Variants in PIGN observed in about 807,000 individuals in gnomAD.
PIGN encodes GPI ethanolamine phosphate transferase 1.
A neutral mutation model predicts 125.4 loss-of-function variants in PIGN; 117 were observed. The ratio of observed to expected loss-of-function variants is 0.93; its 90% CI spans 0.80 to 1.09. The LOEUF (loss-of-function observed/expected upper bound fraction) is 1.09. Ranked by LOEUF, PIGN falls within the 50% of genes least tolerant of loss-of-function variation. PIGN has a pLI of 0.00. For missense variants in PIGN, 1,075 were observed against 1,094.9 expected (o/e 0.98, Z 0.26); for synonymous variants, 392 against 377.8 (o/e 1.04, Z -0.44).
At chr18:62,178,611 AAAG>A (rs1261971442) in intron 1 of PIGN, among the ~76,000 whole-genome samples, 15 of 151,094 alleles carry the variant, frequency 9.9e-5, no homozygotes, top group South Asian at 6.3e-4. Context: ...AAAAAAAAAA[AAAG>A]AAGAAGAGGA....
At chr18:62,169,800 C>T (rs1267479654) in intron 1 of PIGN, among the ~76,000 whole-genome samples, 2 of 151,664 alleles carry the variant, frequency 1.3e-5, no homozygotes, top group African/African-American at 4.8e-5. Context: ...TTAAATTTTT[C>T]GTAGAGATGG....
chr18:62,186,648 G>A (rs1259941127), intron 1 of PIGN, among the ~76,000 whole-genome samples, 196 bp downstream of exon 1: 1 of 152,212 alleles, frequency 6.6e-6, no homozygotes, highest in African/African-American at 2.4e-5. Flanking sequence ...GTGCAAGCAT[G>A]TGGCAGAGAA....
chr18:62,039,891 A>C (rs28714189), downstream of PIGN, among the ~76,000 whole-genome samples: 3 of 29,940 alleles, frequency 1.0e-4, no homozygotes, highest in African/African-American at 3.6e-4. Context: ...GGGTGCCGCA[A>C]CTCATGTTTA....
At chr18:62,163,273 A>G (rs2037017989) in intron 2 of PIGN, among the ~76,000 whole-genome samples, 1 of 152,124 alleles carries the variant, frequency 6.6e-6, no homozygotes, top group African/African-American at 2.4e-5. Flanking sequence ...TCCCAACGAA[A>G]AAAGGACTAC....
At chr18:62,148,544 TATA>T (rs1430524029) in intron 7 of PIGN, among the ~76,000 whole-genome samples, 1 of 152,128 alleles carries the variant, frequency 6.6e-6, no homozygotes, top group Non-Finnish European at 1.5e-5. Flanking sequence ...TTTTCTCTGT[TATA>T]ATAAGGCCAA....
intron 23 of PIGN, among the ~76,000 whole-genome samples, chr18:62,020,209 TC>T (rs2030036522): frequency 6.6e-6 from 1 of 151,938 alleles, no homozygotes; most frequent in Non-Finnish European, 1.5e-5. Context: ...AGTGGAGAAA[TC>T]CCCAGAAAGG....
At chr18:62,018,735 C>G (rs568206200) in intron 23 of PIGN, among the ~76,000 whole-genome samples, 1 of 152,250 alleles carries the variant, frequency 6.6e-6, no homozygotes, top group South Asian at 2.1e-4. Flanking sequence ...GGGTGGCAAG[C>G]CCGAGGTTCA....
At chr18:62,090,686 T>G in intron 23 of PIGN, 108 bp from the exon 24 acceptor site, 1 of 613,148 alleles carries the variant, frequency 1.6e-6, no homozygotes. Context: ...TGATAATACT[T>G]CTAAGTCACA....
chr18:62,137,092 T>C, intron 14 of PIGN: 2 of 398,632 alleles, frequency 5.0e-6, no homozygotes, highest in Non-Finnish European at 8.8e-6. Flanking sequence ...GTGGGCATCA[T>C]CTAATCAGCT....
At chr18:62,090,127 C>A (rs1309653120) in intron 24 of PIGN, among the ~76,000 whole-genome samples, 2 of 151,948 alleles carry the variant, frequency 1.3e-5, no homozygotes, top group African/African-American at 2.4e-5. Context: ...AAAATTCTTC[C>A]AAGATAAATT....
At chr18:62,173,437 A>C (rs2037408113) in intron 1 of PIGN, among the ~76,000 whole-genome samples, 1 of 152,040 alleles carries the variant, frequency 6.6e-6, no homozygotes, top group African/African-American at 2.4e-5. Context: ...TCACTGTGTC[A>C]CCCAGGCTGG....
chr18:62,100,932 G>T, intron 22 of PIGN, 143 bp downstream of exon 22: 1 of 647,908 alleles, frequency 1.5e-6, no homozygotes, highest in Non-Finnish European at 2.7e-6. Flanking sequence ...ATTCCAGCAA[G>T]AGATAGAAAT....
At chr18:62,021,805 T>G (rs923795376) in intron 23 of PIGN, among the ~76,000 whole-genome samples, 2 of 152,196 alleles carry the variant, frequency 1.3e-5, no homozygotes, top group Non-Finnish European at 2.9e-5. Context: ...GCATGGCAAG[T>G]GGGACTATTT....
intron 3 of PIGN, among the ~76,000 whole-genome samples, chr18:62,161,889 AT>A (rs10713878): frequency 0.58 from 88,150 of 151,082 alleles, 26,416 homozygotes; most frequent in East Asian, 0.79. Context: ...AATATTTGTG[AT>A]TTTTTTTTTC....
chr18:62,045,900 T>C lies in PIGN; in HGVS notation c.2752A>G (p.Lys918Glu), dbSNP rs1468104257. ...GGTTTGCCACATAGTCTGAGTTTCTTCGTTGTGAGCAGCTGGGCCAGGCCA... is the reference window on the plus strand; with the variant it reads ...GGTTTGCCACATAGTCTGAGTTTCTCCGTTGTGAGCAGCTGGGCCAGGCCA... ...LNGLAQLLTTKKLRLCGKPKS... is the reference protein window; with the variant it reads ...LNGLAQLLTTEKLRLCGKPKS... The change falls in exon 31 of 31, where the codon AAG becomes GAG. Residue 918 changes from lysine to glutamate, a missense_variant. Physicochemically the swap from Lys to Glu is moderately conservative, Grantham distance 56. Around this residue, in one of 3 missense-constraint regions of PIGN, gnomAD observed 915 missense variants for 908.7 expected, o/e 1.01. Transcript: ENST00000640252. 1.2e-6 allele frequency: 2 copies of C among 1,613,854 alleles called. No homozygotes were observed. The highest frequency in any genetic ancestry group is 2.2e-5 in the East Asian group (1 of 44,870).
intron 30 of PIGN, chr18:62,072,454 G>A (rs1463729974): frequency 2.7e-6 from 1 of 373,762 alleles, no homozygotes; most frequent in Non-Finnish European, 4.8e-6. Context: ...CTTACCATTG[G>A]GTTACAATTG....
chr18:62,155,964 T>C (rs2036717011), intron 6 of PIGN, among the ~76,000 whole-genome samples: 2 of 152,218 alleles, frequency 1.3e-5, no homozygotes, highest in South Asian at 4.1e-4. Flanking sequence ...TCTCAATATA[T>C]ATTTTGCTTC....
At chr18:62,036,784 C>T (rs1386954801), downstream of PIGN, among the ~76,000 whole-genome samples, 1 of 152,160 alleles carries the variant, frequency 6.6e-6, no homozygotes, top group African/African-American at 2.4e-5. Context: ...GGTATGTTAA[C>T]CTGCCATCAT....
Position 62,114,359 on chromosome 18 carries a change from CA to C in PIGN, c.1251+201del, listed in dbSNP as rs373385473. 3.7e-3 allele frequency among the ~76,000 whole-genome samples: 411 copies of C among 111,266 alleles called. No individual in the cohort carries two copies. The highest frequency in any genetic ancestry group is 4.0e-3 in the Admixed American group (42 of 10,454). The allele number at this position is 111,266 out of a possible 152,430, so 73.0% of individuals were successfully genotyped here. ...CCTGGGCAACAGCGACACTCTGTCTCAAAAAAAAAAAAAAAAATTTACCCAT... is the reference window on the plus strand; with the variant it reads ...CCTGGGCAACAGCGACACTCTGTCTCAAAAAAAAAAAAAAAATTTACCCAT... On this transcript the variant is annotated intron_variant, in intron 15 of 30. Transcript: ENST00000640252.
Sources: gnomAD v4.1 joint callset for allele counts (sites outside exome capture counted in the v4.1 genomes callset) on GRCh38, gnomAD v4.1.1 for gene constraint, gnomAD v4.1.1 regional missense constraint, MANE v1.5 for transcripts, NCBI Gene and HGNC (gene_info 2026-07-23, HGNC 2026-07-21) for gene names.